Variants in IPO11 observed in about 807,000 individuals in gnomAD.
IPO11 encodes importin-11.
In IPO11, 66 loss-of-function variants were observed where a neutral mutation model predicts 143.2. The observed-to-expected ratio is 0.46, with a 90% CI of 0.38 to 0.57. The LOEUF is 0.57. Among genes scored for constraint, IPO11 ranks in the 20% least tolerant of loss-of-function variants. IPO11 has a pLI of 0.00. For synonymous variants in IPO11, 385 were observed against 377.8 expected, an observed-to-expected ratio of 1.02 and a Z score of -0.22; for missense variants, 1,026 against 1,141.0, an observed-to-expected ratio of 0.90 and a Z score of 1.45.
chr5:62,619,282 C>CT (rs1263853671), intron 29 of IPO11, among the ~76,000 whole-genome samples: 1 of 152,144 alleles, frequency 6.6e-6, no homozygotes, highest in East Asian at 1.9e-4. Flanking sequence ...TCTTTCCACA[C>CT]TTCTTTCTTC....
At chr5:62,544,319 A>C (rs1743074805) in intron 24 of IPO11, among the ~76,000 whole-genome samples, 3 of 152,184 alleles carry the variant, frequency 2.0e-5, no homozygotes, top group Admixed American at 2.0e-4. Context: ...CAATAAATGT[A>C]ATCCAGCATA....
chr5:62,462,492 A>AG (rs1238526697), intron 5 of IPO11, among the ~76,000 whole-genome samples: 1 of 152,130 alleles, frequency 6.6e-6, no homozygotes, highest in Non-Finnish European at 1.5e-5. Flanking sequence ...CCTGAAAAAA[A>AG]AAAAAGAACA....
chr5:62,533,215 C>G (rs117841644), intron 22 of IPO11, among the ~76,000 whole-genome samples: 2 of 22,914 alleles, frequency 8.7e-5, no homozygotes, highest in Non-Finnish European at 2.4e-4. Flanking sequence ...TTTCTTTCTT[C>G]TTTTTTTTTT....
chr5:62,616,219 G>T (rs112853976), intron 29 of IPO11, among the ~76,000 whole-genome samples: 2,071 of 152,258 alleles, frequency 0.014, 19 homozygotes, highest in Middle Eastern at 0.037. Context: ...AGTGGAAGCA[G>T]TTAATCTGTA....
chr5:62,469,384 A>T (rs1428972187), intron 6 of IPO11, among the ~76,000 whole-genome samples: 1 of 152,214 alleles, frequency 6.6e-6, no homozygotes, highest in Non-Finnish European at 1.5e-5. Flanking sequence ...CTTTAGACTT[A>T]CAAACCGAAG....
In IPO11 at chr5:62,627,534, A is replaced by AG. The variant is rs1746629530; in HGVS notation, c.*221dup. 9.6e-6 allele frequency: 4 copies of AG among 414,900 alleles called. No individual in the cohort carries two copies. Among genetic ancestry groups the AG allele is most frequent in the Admixed American group, 4.2e-5 (1 of 23,894 alleles). 25.7% of individuals were successfully genotyped at this position (414,900 alleles called of 1,614,324 possible). A position where few individuals can be genotyped will look rare whatever the true frequency, so the allele number is the denominator to read the frequency against. Reference sequence around the variant, plus strand: ...AAAAGAATTTAATTTTATATTTATGAGGGGGCCCTTCACTAAAAAGTACAT... The same window carrying AG: ...AAAAGAATTTAATTTTATATTTATGAGGGGGGCCCTTCACTAAAAAGTACAT... On this transcript the variant is annotated 3_prime_UTR_variant, in exon 30 of 30. Coordinates refer to ENST00000325324, the MANE Select transcript of IPO11 (RefSeq NM_016338.5).
intron 5 of IPO11, among the ~76,000 whole-genome samples, chr5:62,464,798 A>C (rs1745511203): frequency 6.6e-6 from 1 of 152,152 alleles, no homozygotes; most frequent in South Asian, 2.1e-4. Flanking sequence ...AATGAGTTCA[A>C]GTGACTTCAG....
chr5:62,476,366 A>C (rs2112210167), intron 8 of IPO11, among the ~76,000 whole-genome samples: 1 of 152,296 alleles, frequency 6.6e-6, no homozygotes, highest in East Asian at 1.9e-4. Flanking sequence ...TTTATTTTAC[A>C]CATGTATGTT....
intron 24 of IPO11, among the ~76,000 whole-genome samples, chr5:62,547,617 C>CT (rs924905937): frequency 6.6e-6 from 1 of 152,060 alleles, no homozygotes; most frequent in African/African-American, 2.4e-5. Context: ...CACAAAAACT[C>CT]TGTTTTATCC....
intron 22 of IPO11, 91 bp from the exon 23 acceptor site, chr5:62,536,611 T>C: frequency 1.4e-6 from 2 of 1,423,688 alleles, no homozygotes; most frequent in Non-Finnish European, 1.9e-6. Context: ...GTATGCAAAT[T>C]AGTTTTAAAT....
At chr5:62,537,357 C>A in intron 24 of IPO11, 68 bp downstream of exon 24, 1 of 1,044,364 alleles carries the variant, frequency 9.6e-7, no homozygotes, top group Non-Finnish European at 1.5e-6. Flanking sequence ...ATTGGACTTT[C>A]ATTTGGATGG....
At chr5:62,481,957 C>T (rs1746228473) in intron 9 of IPO11, among the ~76,000 whole-genome samples, 1 of 152,172 alleles carries the variant, frequency 6.6e-6, no homozygotes, top group Admixed American at 6.5e-5. Context: ...ATTATTGCCT[C>T]AATTTCAGAG....
chr5:62,598,430 TTCTCTCTCTCTCTCTCTC>T (rs1323743350), intron 28 of IPO11, among the ~76,000 whole-genome samples: 21 of 7,164 alleles, frequency 2.9e-3, no homozygotes, highest in Non-Finnish European at 4.1e-3. Context: ...CTTTCTTTCT[TTCTCTCTCTCTCTCTCTC>T]TCTCTCTCTC....
At chr5:62,513,546 C>G (rs537586142) in intron 19 of IPO11, among the ~76,000 whole-genome samples, 1 of 145,600 alleles carries the variant, frequency 6.9e-6, no homozygotes, top group Non-Finnish European at 1.5e-5. Flanking sequence ...GGGGGCTGAG[C>G]CCCCCACCTC....
At chr5:62,605,606 G>A (rs188360228) in intron 29 of IPO11, among the ~76,000 whole-genome samples, 3 of 151,514 alleles carry the variant, frequency 2.0e-5, no homozygotes, top group East Asian at 1.9e-4. Flanking sequence ...TTAGTTTTTT[G>A]TAATTTTTTG....
At chr5:62,627,042 G>T in intron 29 of IPO11, 112 bp from the exon 30 acceptor site, 2 of 870,816 alleles carry the variant, frequency 2.3e-6, no homozygotes, top group Non-Finnish European at 3.5e-6. Context: ...GAGAAGAGAG[G>T]CAGAAGCAAT....
intron 16 of IPO11, among the ~76,000 whole-genome samples, chr5:62,496,189 G>A (rs532339120): frequency 6.6e-6 from 1 of 151,956 alleles, no homozygotes; most frequent in Non-Finnish European, 1.5e-5. Context: ...TTGGGAGGCC[G>A]AGGCAGGAGA....
chr5:62,478,958 T>A (rs1746073994), intron 9 of IPO11, among the ~76,000 whole-genome samples: 1 of 152,204 alleles, frequency 6.6e-6, no homozygotes, highest in Admixed American at 6.5e-5. Context: ...AAATTATACT[T>A]TAAGTTCTAG....
At chr5:62,604,073 A>G (rs1745609121) in intron 29 of IPO11, among the ~76,000 whole-genome samples, 1 of 152,186 alleles carries the variant, frequency 6.6e-6, no homozygotes. Flanking sequence ...GGTTTGTGTA[A>G]GCACACTCCA....
Sources: allele counts gnomAD v4.1 joint callset (sites outside exome capture counted in the v4.1 genomes callset), GRCh38; gene constraint gnomAD v4.1.1; transcripts MANE v1.5; gene names NCBI Gene and HGNC (gene_info 2026-07-23, HGNC 2026-07-21).